The following CACNA1B variants were observed in gnomAD, a reference collection of about 807,000 sequenced individuals.
The protein encoded by CACNA1B is calcium voltage-gated channel subunit alpha1 B, also known as voltage-dependent N-type calcium channel subunit alpha-1B.
Under a neutral mutation model 247.2 loss-of-function variants are expected in CACNA1B, and 70 were observed. That is an observed-to-expected ratio of 0.28 (90% CI 0.23 to 0.35). The LOEUF is 0.35. CACNA1B is among the 10% of genes least tolerant of loss of function. The probability of loss-of-function intolerance (pLI) is 1.00; values close to 1 mark genes in which losing one functional copy is unlikely to be tolerated. For missense variants in CACNA1B, 2,367 were observed against 3,197.4 expected, an observed-to-expected ratio of 0.74 and a Z score of 6.26; for synonymous variants, 1,231 against 1,294.4, an observed-to-expected ratio of 0.95 and a Z score of 1.05.
At chr9:138,006,198 G>A (rs1958647457) in intron 15 of CACNA1B, among the ~76,000 whole-genome samples, 2 of 152,138 alleles carry the variant, frequency 1.3e-5, no homozygotes, top group African/African-American at 2.4e-5. Context: ...TTTGGGTGGG[G>A]GACACATGAG....
At chr9:138,013,988 C>G (rs752940892) in intron 18 of CACNA1B, among the ~76,000 whole-genome samples, 3 of 152,264 alleles carry the variant, frequency 2.0e-5, no homozygotes, top group Non-Finnish European at 4.4e-5. Context: ...GCCCACCCCC[C>G]ACACCTCCCA....
intron 6 of CACNA1B, among the ~76,000 whole-genome samples, chr9:137,926,825 C>T (rs559951783): frequency 1.3e-5 from 2 of 152,212 alleles, no homozygotes; most frequent in African/African-American, 4.8e-5. Context: ...ACTTATTGGC[C>T]ATTTGCATGT....
At chr9:138,075,665 C>T (rs1960289605) in intron 34 of CACNA1B, among the ~76,000 whole-genome samples, 154 bp from the exon 35 acceptor site, 1 of 152,242 alleles carries the variant, frequency 6.6e-6, no homozygotes, top group Non-Finnish European at 1.5e-5. Context: ...GGAATGCACA[C>T]TGGCCTCTCC....
Position 138,040,526 on chromosome 9 carries a change from A to G in CACNA1B, c.3287-3248A>G, listed in dbSNP as rs1358225458. 5 of 422,648 alleles carry G rather than the reference A, an allele frequency of 1.2e-5. No individual in the cohort carries two copies. In the East Asian group the frequency reaches 3.8e-4, roughly 32 times the overall value. 26.2% of individuals were successfully genotyped at this position (422,648 alleles called of 1,614,324 possible). On this transcript the variant is annotated intron_variant, in intron 20 of 46. Coordinates refer to ENST00000371372, the MANE Select transcript of CACNA1B (RefSeq NM_000718.4). ...ATATATGTATGGGAGTTTATTAAGT[A>G]TTAACTTACATGATCACAAGGTCCC...
intron 15 of CACNA1B, among the ~76,000 whole-genome samples, chr9:137,987,868 TCCTAGTCA>T (rs1355574444): frequency 6.6e-6 from 1 of 152,216 alleles, no homozygotes; most frequent in Non-Finnish European, 1.5e-5. Context: ...ACCCGTCAGC[TCCTAGTCA>T]CTGCCAGGCA....
At chr9:138,065,182 T>A (rs1589107059) in intron 31 of CACNA1B, among the ~76,000 whole-genome samples, 1 of 152,162 alleles carries the variant, frequency 6.6e-6, no homozygotes, top group Non-Finnish European at 1.5e-5. Flanking sequence ...TAGTTTTTTA[T>A]CCTGCCTGTC....
chr9:137,996,736 C>G (rs1170776099), intron 15 of CACNA1B, among the ~76,000 whole-genome samples: 1 of 152,096 alleles, frequency 6.6e-6, no homozygotes, highest in Non-Finnish European at 1.5e-5. Flanking sequence ...GTGAATTCTG[C>G]TATTTAAGAA....
intron 18 of CACNA1B, among the ~76,000 whole-genome samples, chr9:138,013,547 G>C (rs1958753473): frequency 6.6e-6 from 1 of 152,244 alleles, no homozygotes; most frequent in South Asian, 2.1e-4. Flanking sequence ...CTGTGAATCA[G>C]TTGGGGGAGG....
intron 10 of CACNA1B, among the ~76,000 whole-genome samples, chr9:137,959,083 T>G (rs2133347797): frequency 6.6e-6 from 1 of 152,282 alleles, no homozygotes; most frequent in Non-Finnish European, 1.5e-5. Context: ...TAATTAATTT[T>G]TTTTTGAGAC....
chr9:137,925,353 T>G (rs945709581), intron 6 of CACNA1B, among the ~76,000 whole-genome samples: 1 of 152,160 alleles, frequency 6.6e-6, no homozygotes, highest in Non-Finnish European at 1.5e-5. Context: ...ATGGTCTGTT[T>G]AAAGGAGGCA....
At chr9:138,114,009 A>G (rs554510700) in intron 40 of CACNA1B, among the ~76,000 whole-genome samples, 3 of 151,504 alleles carry the variant, frequency 2.0e-5, no homozygotes. Context: ...AAGGTGCCCA[A>G]CTCCTCCTTG....
At chr9:138,022,307 C>T (rs1026802228) in intron 18 of CACNA1B, among the ~76,000 whole-genome samples, 4 of 152,196 alleles carry the variant, frequency 2.6e-5, no homozygotes, top group Admixed American at 6.5e-5. Flanking sequence ...CTTCTGGGCT[C>T]CTGGTCACTG....
chr9:138,023,092 C>T lies in CACNA1B; in HGVS notation c.2349C>T (p.Ser783=), dbSNP rs1375671431. ...SQLRLQNLRA[S]CEALYSEMDP... is the part of the protein sequence containing the mutation. ...TACGGCTGCAGAACCTGCGGGCCAGCTGCGAGGCGCTGTACAGCGAGATGG... is the reference window on the plus strand; with the variant it reads ...TACGGCTGCAGAACCTGCGGGCCAGTTGCGAGGCGCTGTACAGCGAGATGG... Residue 783 remains serine (S), a synonymous_variant, in exon 19 of 47, where the codon AGC becomes AGT. Coordinates refer to ENST00000371372, the MANE Select transcript of CACNA1B (RefSeq NM_000718.4). The T allele has an allele frequency of 6.5e-7, 1 of 1,531,288 alleles. No homozygotes were observed. Among genetic ancestry groups the T allele is most frequent in the East Asian group, 2.5e-5 (1 of 40,024 alleles). 94.9% of individuals were successfully genotyped at this position (1,531,288 alleles called of 1,614,324 possible).
intron 3 of CACNA1B, among the ~76,000 whole-genome samples, chr9:137,900,882 T>A (rs1389234334): frequency 6.0e-5 from 9 of 149,520 alleles, no homozygotes; most frequent in Non-Finnish European, 1.3e-4. Flanking sequence ...TGTGTCCGTG[T>A]GTCTGTGTGT....
At chr9:138,065,861 G>A (rs1208810954) in intron 31 of CACNA1B, among the ~76,000 whole-genome samples, 1 of 152,078 alleles carries the variant, frequency 6.6e-6, no homozygotes, top group Non-Finnish European at 1.5e-5. Context: ...ACCCTTTACA[G>A]ATTTGCCCAA....
chr9:138,006,105 A>G (rs1451681277), intron 15 of CACNA1B, among the ~76,000 whole-genome samples: 1 of 152,144 alleles, frequency 6.6e-6, no homozygotes, highest in African/African-American at 2.4e-5. Context: ...TGAAAAAAGA[A>G]AAAAGACTTG....
intron 3 of CACNA1B, among the ~76,000 whole-genome samples, chr9:137,884,957 T>TCCCCCCC (rs370592773): frequency 8.3e-5 from 5 of 60,432 alleles, no homozygotes; most frequent in African/African-American, 2.2e-4. Context: ...TCTCCCCTCT[T>TCCCCCCC]CCCCCCCCCC....
chr9:137,915,862 T>C (rs1383758180), intron 5 of CACNA1B, among the ~76,000 whole-genome samples: 1 of 151,478 alleles, frequency 6.6e-6, no homozygotes, highest in Non-Finnish European at 1.5e-5. Flanking sequence ...GAGATGAAAC[T>C]CATTATTCTT....
At chr9:138,034,220 G>A (rs907802317) in intron 20 of CACNA1B, among the ~76,000 whole-genome samples, 3 of 152,160 alleles carry the variant, frequency 2.0e-5, no homozygotes, top group African/African-American at 7.2e-5. Context: ...GTAAGAGGAA[G>A]AGATTGTCTC....
Sources: gnomAD v4.1 joint callset for allele counts (sites outside exome capture counted in the v4.1 genomes callset) on GRCh38, gnomAD v4.1.1 for gene constraint, MANE v1.5 for transcripts, NCBI Gene and HGNC (gene_info 2026-07-23, HGNC 2026-07-21) for gene names.